Variants in KIAA1549 observed in about 807,000 individuals in gnomAD.
KIAA1549 encodes the protein KIAA1549.
In KIAA1549, 70 loss-of-function variants were observed where a neutral mutation model predicts 156.4. The observed-to-expected ratio is 0.45, with a 90% confidence interval of 0.37 to 0.55. KIAA1549 has a LOEUF of 0.55. Among genes scored for constraint, KIAA1549 ranks in the 20% least tolerant of loss-of-function variants. The pLI, the probability that KIAA1549 is intolerant of heterozygous loss-of-function variation, is 0.00. For synonymous variants in KIAA1549, 1,103 were observed against 1,066.4 expected (o/e 1.03, Z -0.67); for missense variants, 2,428 against 2,540.9 (o/e 0.96, Z 0.96).
chr7:138,957,536 G>A (rs958781508), intron 1 of KIAA1549, among the ~76,000 whole-genome samples: 12 of 147,300 alleles, frequency 8.1e-5, no homozygotes, highest in African/African-American at 2.5e-4. Context: ...GGAGCACAGC[G>A]GCATGGTCTC....
intron 1 of KIAA1549, among the ~76,000 whole-genome samples, chr7:138,940,546 G>GTGAC (rs1813154376): frequency 6.6e-6 from 1 of 151,524 alleles, no homozygotes; most frequent in African/African-American, 2.4e-5. Context: ...GGGATGGCTG[G>GTGAC]GTCAAATGGT....
In KIAA1549 at chr7:138,833,892, T is replaced by G. The variant is rs1809620952; in HGVS notation, c.*4014A>C. 1 of 231,156 alleles carries G rather than the reference T, an allele frequency of 4.3e-6. No homozygotes were observed. The highest frequency in any genetic ancestry group is 8.6e-6 in the Non-Finnish European group (1 of 116,864). 14.3% of individuals were successfully genotyped at this position (231,156 alleles called of 1,614,324 possible). Reference sequence around the variant, plus strand: ...ACTGCAAAAGCATCCTTCCAGCACCTCTTCCTTCTCTTCTGAAACTCCCTC... The same window carrying G: ...ACTGCAAAAGCATCCTTCCAGCACCGCTTCCTTCTCTTCTGAAACTCCCTC... On this transcript the variant is annotated 3_prime_UTR_variant, in exon 20 of 20. Transcript: ENST00000422774.
chr7:138,833,829 G>A lies in KIAA1549; in HGVS notation c.*4077C>T, dbSNP rs1248096953. 8.6e-6 allele frequency: 2 copies of A among 233,236 alleles called. No homozygotes were observed. Among genetic ancestry groups the A allele is most frequent in the Admixed American group, 5.6e-5 (1 of 17,790 alleles). The allele number at this position is 233,236 out of a possible 1,614,324, so 14.4% of individuals were successfully genotyped here. On this transcript the variant is annotated 3_prime_UTR_variant, in exon 20 of 20. Coordinates refer to ENST00000422774, the MANE Select transcript of KIAA1549 (RefSeq NM_001164665.2). ...TCCCCCACACTGGAGTACTTCCTCT[G>A]TAGATCTTCACAGCCCTGGTCGTTT...
At chr7:138,874,655 G>A (rs895103922) in intron 12 of KIAA1549, among the ~76,000 whole-genome samples, 1 of 152,190 alleles carries the variant, frequency 6.6e-6, no homozygotes, top group African/African-American at 2.4e-5. Flanking sequence ...GAGGTTACTT[G>A]AGGCTGGGAA....
intron 9 of KIAA1549, among the ~76,000 whole-genome samples, chr7:138,895,615 G>C (rs992696144): frequency 7.9e-5 from 12 of 151,896 alleles, no homozygotes; most frequent in Non-Finnish European, 1.5e-4. Context: ...AAGAAATTCT[G>C]GAAATGGATA....
intron 1 of KIAA1549, among the ~76,000 whole-genome samples, chr7:138,942,560 C>T (rs760563543): frequency 4.0e-5 from 6 of 151,824 alleles, no homozygotes; most frequent in Non-Finnish European, 5.9e-5. Flanking sequence ...GGAACTGTCC[C>T]AGGCACCAGC....
chr7:138,935,124 CAT>C (rs1359710157), intron 1 of KIAA1549, among the ~76,000 whole-genome samples: 2 of 152,186 alleles, frequency 1.3e-5, no homozygotes, highest in Non-Finnish European at 1.5e-5. Flanking sequence ...AAAGAGAACT[CAT>C]GTGGAACTTC....
At chr7:138,978,232 G>A (rs189450202) in intron 1 of KIAA1549, among the ~76,000 whole-genome samples, 2 of 152,202 alleles carry the variant, frequency 1.3e-5, no homozygotes, top group Admixed American at 1.3e-4. Flanking sequence ...GTTACCTACA[G>A]GCTGTGAGAT....
intron 1 of KIAA1549, among the ~76,000 whole-genome samples, chr7:138,940,011 T>G (rs1813130420): frequency 1.3e-5 from 2 of 152,140 alleles, no homozygotes. Context: ...TAATTTTAAT[T>G]TAAAAATAAT....
intron 13 of KIAA1549, among the ~76,000 whole-genome samples, chr7:138,870,704 C>A (rs1233636181): frequency 6.6e-6 from 1 of 152,186 alleles, no homozygotes; most frequent in South Asian, 2.1e-4. Context: ...CTCCAACAAG[C>A]GTGATGTTTT....
At chr7:138,851,784 C>T (rs1584702974) in intron 17 of KIAA1549, among the ~76,000 whole-genome samples, 1 of 152,322 alleles carries the variant, frequency 6.6e-6, no homozygotes, top group Non-Finnish European at 1.5e-5. Context: ...GGATGTTTAC[C>T]AGGGTCTCCC....
intron 19 of KIAA1549, among the ~76,000 whole-genome samples, chr7:138,838,924 G>T (rs1350600998): frequency 6.6e-6 from 1 of 152,016 alleles, no homozygotes; most frequent in Admixed American, 6.5e-5. Flanking sequence ...CAATCCTTTG[G>T]GAGGCCAAGG....
At chr7:138,845,015 G>A (rs1356508728) in intron 17 of KIAA1549, among the ~76,000 whole-genome samples, 3 of 152,042 alleles carry the variant, frequency 2.0e-5, no homozygotes, top group African/African-American at 7.2e-5. Flanking sequence ...GAAAACCAGT[G>A]TTCTAAAGCA....
At chr7:138,894,265 T>C in intron 10 of KIAA1549, 77 bp downstream of exon 10, 1 of 1,379,136 alleles carries the variant, frequency 7.3e-7, no homozygotes, top group Non-Finnish European at 1.0e-6. Flanking sequence ...TCTTTCAGTA[T>C]CAAGAGCCCA....
rs1039059048 is a variant in KIAA1549, at chr7:138,919,163, C to T, written c.463G>A (p.Asp155Asn). The T allele has an allele frequency of 5.6e-6, 9 of 1,614,000 alleles. No individual in the cohort carries two copies. The South Asian group carries it at 6.6e-5, about 12-fold the overall frequency. The part of the protein sequence containing the change: ...VTSKEVAVND[D>N]EMDNFLPDTH... ...TCTGGCAGAAAGTTATCCATCTCAT[C>T]GTCATTGACGGCCACCTCTTTACTC... is the stretch of plus-strand genomic sequence containing the variant. The change falls in exon 2 of 20, where the codon GAT (aspartate) becomes AAT (asparagine). Residue 155 changes from aspartate to asparagine, a missense_variant. Asp to Asn is a conservative substitution (Grantham distance 23). Coordinates refer to ENST00000422774, the MANE Select transcript of KIAA1549 (RefSeq NM_001164665.2).
At chr7:138,855,161 G>C (rs1056363544) in intron 16 of KIAA1549, among the ~76,000 whole-genome samples, 2 of 152,170 alleles carry the variant, frequency 1.3e-5, no homozygotes, top group Admixed American at 1.3e-4. Context: ...AACAATCAGA[G>C]ACCAGCAGTG....
At position 138,917,885 on chromosome 7, in the gene KIAA1549, G is replaced by C. The variant is rs758077678; in HGVS notation, c.1741C>G (p.Leu581Val). ...AAAACACTCGGGTCTCTGACGGCAA[G>C]CGACGGTGTGTTTTTGTTTGCTATG... ...SVIANKNTPS[L>V]AVRDPSVFTP... The change falls in exon 2 of 20, where the codon CTT (leucine) becomes GTT (valine). Residue 581 changes from leucine to valine, a missense_variant. Around this residue, in one of 5 missense-constraint regions of KIAA1549, gnomAD observed 893 missense variants for 847.9 expected, o/e 1.05. Coordinates refer to ENST00000422774, the MANE Select transcript of KIAA1549 (RefSeq NM_001164665.2). 4.4e-6 allele frequency: 7 copies of C among 1,603,534 alleles called. No homozygotes were observed. Among genetic ancestry groups the C allele is most frequent in the Non-Finnish European group, 6.0e-6 (7 of 1,175,090 alleles).
intron 7 of KIAA1549, 123 bp from the exon 8 acceptor site, chr7:138,903,859 GCGCGCGCGCGCA>G (rs1474789863): frequency 0.018 from 11,923 of 666,088 alleles, 574 homozygotes; most frequent in Non-Finnish European, 0.019. Context: ...GTGTGCGCGC[GCGCGCGCGCGCA>G]CATATGTATT....
chr7:138,912,109 G>A (rs991971933), intron 3 of KIAA1549, among the ~76,000 whole-genome samples: 1 of 152,206 alleles, frequency 6.6e-6, no homozygotes, highest in Non-Finnish European at 1.5e-5. Context: ...GCTGCCTCTG[G>A]TCTGAGAGCC....
Sources: allele counts gnomAD v4.1 joint callset (sites outside exome capture counted in the v4.1 genomes callset), GRCh38; gene constraint gnomAD v4.1.1; regional missense constraint gnomAD v4.1.1; transcripts MANE v1.5; gene names NCBI Gene and HGNC (gene_info 2026-07-23, HGNC 2026-07-21).